TTK: variants seen among roughly 807,000 people sequenced by gnomAD.
TTK encodes the protein TTK protein kinase.
In TTK, 59 loss-of-function variants were observed where a neutral mutation model predicts 117.3. That is an observed-to-expected ratio of 0.50 (90% CI 0.41 to 0.62). TTK has a LOEUF of 0.62. TTK is among the 20% of genes least tolerant of loss of function. The probability of loss-of-function intolerance (pLI) is 0.00; values close to 1 mark genes in which losing one functional copy is unlikely to be tolerated. For missense variants in TTK, 921 were observed against 989.4 expected (o/e 0.93, Z 0.93); for synonymous variants, 302 against 325.0 (o/e 0.93, Z 0.76).
Position 80,027,868 on chromosome 6 carries a change from A to G in TTK, c.1395-17A>G, listed in dbSNP as rs769785212. Reference sequence around the variant, plus strand: ...AAATTGTAATGTTTTAAATAAAAATATATATATATTTCCTAGTTTTAGAAC... The same window carrying G: ...AAATTGTAATGTTTTAAATAAAAATGTATATATATTTCCTAGTTTTAGAAC... On this transcript the variant is annotated splice_polypyrimidine_tract_variant and intron_variant, in intron 12 of 21. Coordinates refer to ENST00000369798, the MANE Select transcript of TTK (RefSeq NM_003318.5). The G allele has an allele frequency of 6.0e-6, 9 of 1,491,344 alleles. No individual in the cohort carries two copies. Among genetic ancestry groups the G allele is most frequent in the Non-Finnish European group, 8.1e-6 (9 of 1,109,046 alleles). The allele number at this position is 1,491,344 out of a possible 1,614,324, so 92.4% of individuals were successfully genotyped here. A position where few individuals can be genotyped will look rare whatever the true frequency, so the allele number is the denominator to read the frequency against.
At chr6:80,040,458 G>T in intron 20 of TTK, 148 bp from the exon 21 acceptor site, 1 of 863,974 alleles carries the variant, frequency 1.2e-6, no homozygotes, top group Non-Finnish European at 1.7e-6. Context: ...CTTTACTTCT[G>T]GTATTTATTT....
Position 80,011,415 on chromosome 6 carries a change from A to T in TTK, c.614-19A>T. On this transcript the variant is annotated intron_variant, in intron 5 of 21. Transcript: ENST00000369798. ...TCTTATTTCTTATAAATTTAATCATAGTTTCAAAATTTTTACAGCATCTAC... is the reference window on the plus strand; with the variant it reads ...TCTTATTTCTTATAAATTTAATCATTGTTTCAAAATTTTTACAGCATCTAC... 6.7e-7 allele frequency: 1 copy of T among 1,498,856 alleles called. No individual in the cohort carries two copies. The highest frequency in any genetic ancestry group is 9.0e-7 in the Non-Finnish European group (1 of 1,112,654). 92.8% of individuals were successfully genotyped at this position (1,498,856 alleles called of 1,614,324 possible). A position where few individuals can be genotyped will look rare whatever the true frequency, so the allele number is the denominator to read the frequency against.
rs58065115 is a variant in TTK, at chr6:80,033,056, T to TA, written c.1614+1505dup. On this transcript the variant is annotated intron_variant, in intron 14 of 21. Coordinates refer to ENST00000369798, the MANE Select transcript of TTK (RefSeq NM_003318.5). ...TTTTCAGCATGCTATGCTAATCATC[T>TA]AAAAAAAATCAAACTTGTTTCTCCT... 1.7e-4 allele frequency among the ~76,000 whole-genome samples: 26 copies of TA among 152,180 alleles called. No individual in the cohort carries two copies. The East Asian group carries it at 4.2e-3, about 25-fold the overall frequency.
chr6:80,028,732 G>A (rs1449413939), intron 13 of TTK, among the ~76,000 whole-genome samples: 1 of 152,136 alleles, frequency 6.6e-6, no homozygotes, highest in African/African-American at 2.4e-5. Context: ...AGCAATATGA[G>A]GTACTGCTAG....
At position 80,012,848 on chromosome 6, in the gene TTK, TAAAAAC is replaced by T. The variant is rs553257172; in HGVS notation, c.897-423_897-418del. The stretch of plus-strand genomic sequence containing the variant: ...GAGATTTTCTTCCGCTCCAAAAAAT[TAAAAAC>T]AAAAACAGAAAAACTGCAGCCATTT... On this transcript the variant is annotated intron_variant, in intron 8 of 21. Coordinates refer to ENST00000369798, the MANE Select transcript of TTK (RefSeq NM_003318.5). Among the ~76,000 whole-genome samples, 591 of 152,158 alleles carry T rather than the reference TAAAAAC, an allele frequency of 3.9e-3. 1 individual carries two copies. Among genetic ancestry groups the T allele is most frequent in the Non-Finnish European group, 4.8e-3 (327 of 67,934 alleles).
intron 13 of TTK, 21 bp from the exon 14 acceptor site, chr6:80,031,446 T>G: frequency 1.4e-6 from 2 of 1,414,782 alleles, no homozygotes; most frequent in Non-Finnish European, 1.9e-6. Flanking sequence ...TAACTTTTAT[T>G]TATATATTTT....
chr6:80,011,604 T>G, intron 6 of TTK, 56 bp downstream of exon 6: 3 of 1,547,746 alleles, frequency 1.9e-6, no homozygotes, highest in Non-Finnish European at 2.7e-6. Flanking sequence ...TACATCTGTG[T>G]TTTTTAATGT....
At chr6:80,013,857 T>G (rs913637562) in intron 9 of TTK, among the ~76,000 whole-genome samples, 1 of 147,948 alleles carries the variant, frequency 6.8e-6, no homozygotes, top group African/African-American at 2.7e-5. Context: ...CCTGGTACAC[T>G]GTGATTTTTA....
chr6:80,028,085 T>C, intron 13 of TTK, 74 bp downstream of exon 13: 1 of 1,425,132 alleles, frequency 7.0e-7, no homozygotes, highest in Non-Finnish European at 9.3e-7. Flanking sequence ...TTATAGCATC[T>C]AGTTATCAAG....
rs1346790448 is a variant in TTK at position 80,011,938 on chromosome 6, A to T, written c.854A>T (p.Asp285Val). The T allele has an allele frequency of 6.2e-7, 1 of 1,612,210 alleles. No homozygotes were observed. Among genetic ancestry groups the T allele is most frequent in the Non-Finnish European group, 8.5e-7 (1 of 1,179,040 alleles). Residue 285 changes from aspartate to valine, a missense_variant, in exon 8 of 22, where the codon GAT becomes GTT. Asp to Val is a radical substitution (Grantham distance 152). Coordinates refer to ENST00000369798, the MANE Select transcript of TTK (RefSeq NM_003318.5). ...PVNLLNSPDC[D>V]VKTDDSVVPC... ...AACCTTCTAAATAGCCCAGATTGTG[A>T]TGTGAAGACAGATGATTCAGTTGTA...
At chr6:80,040,027 CT>C (rs1768004815) in intron 19 of TTK, among the ~76,000 whole-genome samples, 155 bp downstream of exon 19, 1 of 151,770 alleles carries the variant, frequency 6.6e-6, no homozygotes. Flanking sequence ...CTTGTAAATA[CT>C]TGGGGATTTT....
intron 13 of TTK, among the ~76,000 whole-genome samples, chr6:80,028,348 C>T (rs1039574192): frequency 2.6e-5 from 4 of 151,548 alleles, no homozygotes; most frequent in Admixed American, 6.6e-5. Context: ...GACAGAGTCT[C>T]GCTCTATTGC....
intron 18 of TTK, among the ~76,000 whole-genome samples, chr6:80,038,752 C>A (rs1767971695): frequency 6.6e-6 from 1 of 151,974 alleles, no homozygotes; most frequent in East Asian, 1.9e-4. Flanking sequence ...TCATAAAATT[C>A]TTTTTATATT....
At chr6:80,005,154 A>G (rs1159785281) in intron 1 of TTK, among the ~76,000 whole-genome samples, 1 of 152,156 alleles carries the variant, frequency 6.6e-6, no homozygotes, top group African/African-American at 2.4e-5. Flanking sequence ...ACGGGGCAGC[A>G]TTGTTATCAG....
intron 6 of TTK, 48 bp from the exon 7 acceptor site, chr6:80,011,681 T>C: frequency 6.3e-7 from 1 of 1,594,048 alleles, no homozygotes. Flanking sequence ...TAGAAATACA[T>C]ATTAATATTG....
intron 10 of TTK, among the ~76,000 whole-genome samples, chr6:80,017,730 A>G (rs890933708): frequency 3.3e-5 from 5 of 152,184 alleles, no homozygotes; most frequent in African/African-American, 4.8e-5. Flanking sequence ...CTTTTAAAAC[A>G]TGGGATTGTG....
At chr6:80,039,143 A>G (rs1767981431) in intron 18 of TTK, among the ~76,000 whole-genome samples, 1 of 152,116 alleles carries the variant, frequency 6.6e-6, no homozygotes, top group South Asian at 2.1e-4. Context: ...TATTCTATTT[A>G]AAAGAATTGC....
chr6:80,011,641 T>C, intron 6 of TTK, 88 bp from the exon 7 acceptor site: 2 of 1,548,174 alleles, frequency 1.3e-6, no homozygotes, highest in Non-Finnish European at 8.9e-7. Context: ...ATATATGTTT[T>C]CATGTGTGTG....
At chr6:80,025,076 G>A (rs891542374) in intron 11 of TTK, among the ~76,000 whole-genome samples, 11 of 152,110 alleles carry the variant, frequency 7.2e-5, no homozygotes, top group African/African-American at 2.2e-4. Context: ...TAACTTCTTC[G>A]TGTCTCATGA....
Sources: gnomAD v4.1 joint callset for allele counts (sites outside exome capture counted in the v4.1 genomes callset) on GRCh38, gnomAD v4.1.1 for gene constraint, MANE v1.5 for transcripts, NCBI Gene and HGNC (gene_info 2026-07-23, HGNC 2026-07-21) for gene names.